The following CNTNAP2 variants were observed in gnomAD, a reference collection of about 807,000 sequenced individuals.
CNTNAP2 encodes contactin-associated protein-like 2.
A neutral mutation model predicts 155.2 loss-of-function variants in CNTNAP2; 98 were observed. The observed-to-expected ratio is 0.63, with a 90% CI of 0.54 to 0.75. The LOEUF is 0.75. Among genes scored for constraint, CNTNAP2 ranks in the 30% least tolerant of loss-of-function variants. The pLI is 0.00. For synonymous variants in CNTNAP2, 651 were observed against 631.2 expected (o/e 1.03, Z -0.47); for missense variants, 1,727 against 1,688.1 (o/e 1.02, Z -0.40).
At chr7:146,605,969 C>G (rs1477989924) in intron 1 of CNTNAP2, among the ~76,000 whole-genome samples, 1 of 152,060 alleles carries the variant, frequency 6.6e-6, no homozygotes. Flanking sequence ...AAAACATAAT[C>G]TATAAGGCAG....
In CNTNAP2 at chr7:147,084,961, A is replaced by G. The variant is rs73469064; in HGVS notation, c.551-23186A>G. Among the ~76,000 whole-genome samples the G allele has an allele frequency of 4.6e-3, 706 of 151,902 alleles. 5 individuals are homozygous for G. Among genetic ancestry groups the G allele is most frequent in the African/African-American group, 0.016 (663 of 41,506 alleles). ...AGTTTACATTGATGAAATATTTATAATGAAATCCTTTGCTACCCACTAACT... is the reference window on the plus strand; with the variant it reads ...AGTTTACATTGATGAAATATTTATAGTGAAATCCTTTGCTACCCACTAACT... On this transcript the variant is annotated intron_variant, in intron 4 of 23. Coordinates refer to ENST00000361727, the MANE Select transcript of CNTNAP2 (RefSeq NM_014141.6).
intron 1 of CNTNAP2, among the ~76,000 whole-genome samples, chr7:146,657,949 A>T (rs1800022665): frequency 6.6e-6 from 1 of 152,166 alleles, no homozygotes; most frequent in Non-Finnish European, 1.5e-5. Flanking sequence ...AAATCCTAAA[A>T]ATAAATTTCA....
At chr7:146,826,836 G>GTATATATA (rs376484843) in intron 2 of CNTNAP2, among the ~76,000 whole-genome samples, 10 of 144,124 alleles carry the variant, frequency 6.9e-5, no homozygotes, top group African/African-American at 2.6e-4. Context: ...ATGAATATAT[G>GTATATATA]TATATATATA....
intron 8 of CNTNAP2, among the ~76,000 whole-genome samples, chr7:147,211,640 T>C (rs758106116): frequency 3.9e-5 from 6 of 152,014 alleles, no homozygotes; most frequent in Non-Finnish European, 7.4e-5. Context: ...TTTCACCATA[T>C]ACAAAAGTTA....
At chr7:146,938,274 G>A (rs957882670) in intron 3 of CNTNAP2, among the ~76,000 whole-genome samples, 1 of 151,894 alleles carries the variant, frequency 6.6e-6, no homozygotes, top group African/African-American at 2.4e-5. Context: ...AATAAATTAA[G>A]AGCGTCCTAA....
chr7:146,446,329 C>T (rs1298046730), intron 1 of CNTNAP2, among the ~76,000 whole-genome samples: 5 of 152,110 alleles, frequency 3.3e-5, no homozygotes, highest in African/African-American at 9.7e-5. Context: ...TGGCTGTGAA[C>T]ATTTTAATAT....
rs899693455 is a variant in CNTNAP2, at chr7:146,774,456, T to C, written c.208+75T>C. 3.0e-6 allele frequency: 3 copies of C among 1,011,452 alleles called. No individual in the cohort carries two copies. The Admixed American group carries it at 5.9e-5, about 20-fold the overall frequency. The allele number at this position is 1,011,452 out of a possible 1,614,324, so 62.7% of individuals were successfully genotyped here. On this transcript the variant is annotated intron_variant, in intron 2 of 23. Coordinates refer to ENST00000361727, the MANE Select transcript of CNTNAP2 (RefSeq NM_014141.6). ...TGTTATATTTATAGCCATATATATA[T>C]ATAATCACACAACAGATGTTGGCAG... is the stretch of plus-strand genomic sequence containing the variant.
intron 22 of CNTNAP2, among the ~76,000 whole-genome samples, chr7:148,396,860 G>T (rs1337890568): frequency 1.3e-5 from 2 of 152,098 alleles, no homozygotes; most frequent in African/African-American, 4.8e-5. Context: ...AAATGTAATT[G>T]TACATAAATA....
chr7:147,237,739 A>C (rs1803842356), intron 8 of CNTNAP2, among the ~76,000 whole-genome samples: 2 of 152,228 alleles, frequency 1.3e-5, no homozygotes. Context: ...GTACAAGTAC[A>C]CAGTGGTGGA....
At position 147,826,928 on chromosome 7, in the gene CNTNAP2, ATTTTT is replaced by A. The variant is rs34322489; in HGVS notation, c.2099-76621_2099-76617del. 3.8e-3 allele frequency among the ~76,000 whole-genome samples: 465 copies of A among 123,858 alleles called. 6 individuals carry two copies. In the East Asian group the frequency reaches 0.038, roughly 10 times the overall value. The allele number at this position is 123,858 out of a possible 152,430, so 81.3% of individuals were successfully genotyped here. A position where few individuals can be genotyped will look rare whatever the true frequency, so the allele number is the denominator to read the frequency against. On this transcript the variant is annotated intron_variant, in intron 13 of 23. Transcript: ENST00000361727. ...CCCCCTTTACATAAAAGCTGAATAC[ATTTTT>A]TTTTTTTTTTTTTTTGAGACGGAGT...
At chr7:146,491,629 G>A (rs1392550362) in intron 1 of CNTNAP2, among the ~76,000 whole-genome samples, 1 of 152,128 alleles carries the variant, frequency 6.6e-6, no homozygotes, top group Non-Finnish European at 1.5e-5. Context: ...CGTTTTTAGA[G>A]AGGATGCCAG....
intron 1 of CNTNAP2, among the ~76,000 whole-genome samples, chr7:146,367,500 A>G (rs1382517756): frequency 6.6e-6 from 1 of 152,196 alleles, no homozygotes; most frequent in African/African-American, 2.4e-5. Flanking sequence ...ACAGATTGAA[A>G]GGAAATTTGT....
At chr7:147,851,839 A>G (rs1158032503) in intron 13 of CNTNAP2, among the ~76,000 whole-genome samples, 1 of 152,096 alleles carries the variant, frequency 6.6e-6, no homozygotes, top group African/African-American at 2.4e-5. Flanking sequence ...CAGCACACCA[A>G]CATGGCACAT....
intron 1 of CNTNAP2, among the ~76,000 whole-genome samples, chr7:146,162,508 C>T (rs935318450): frequency 7.2e-5 from 11 of 152,218 alleles, no homozygotes; most frequent in African/African-American, 2.4e-4. Context: ...CAGGAAACAA[C>T]AGGTGCTGTA....
chr7:147,583,503 CATAT>C (rs71183019), intron 12 of CNTNAP2, among the ~76,000 whole-genome samples: 29,425 of 128,984 alleles, frequency 0.23, 3,340 homozygotes, highest in Admixed American at 0.3. Flanking sequence ...AAAGACATGA[CATAT>C]ATATATATAT....
intron 3 of CNTNAP2, among the ~76,000 whole-genome samples, chr7:146,937,113 C>G (rs556891839): frequency 1.3e-5 from 2 of 151,960 alleles, no homozygotes; most frequent in African/African-American, 4.8e-5. Flanking sequence ...ACCGGCCGGG[C>G]GCAGTGGCTC....
At chr7:146,617,017 T>TTTGTTTGTTTG (rs1554456706) in intron 1 of CNTNAP2, among the ~76,000 whole-genome samples, 2 of 151,274 alleles carry the variant, frequency 1.3e-5, no homozygotes, top group African/African-American at 2.4e-5. Context: ...AACCTGGTTT[T>TTTGTTTGTTTG]TTTGTTTGTT....
intron 8 of CNTNAP2, among the ~76,000 whole-genome samples, chr7:147,141,605 G>C (rs879645699): frequency 1.3e-5 from 2 of 152,002 alleles, no homozygotes; most frequent in Non-Finnish European, 2.9e-5. Context: ...CTTTCAGCTA[G>C]TGAATAGAAG....
chr7:146,635,207 T>C (rs186588167), intron 1 of CNTNAP2, among the ~76,000 whole-genome samples: 1 of 152,308 alleles, frequency 6.6e-6, no homozygotes, highest in East Asian at 1.9e-4. Context: ...GCTATACTAG[T>C]AGTGTATAAA....
Sources: gnomAD v4.1 joint callset for allele counts (sites outside exome capture counted in the v4.1 genomes callset) on GRCh38, gnomAD v4.1.1 for gene constraint, MANE v1.5 for transcripts, NCBI Gene and HGNC (gene_info 2026-07-23, HGNC 2026-07-21) for gene names.